MYO1E: variants seen among roughly 807,000 people sequenced by gnomAD.
The protein encoded by MYO1E is myosin IE.
Under a neutral mutation model 151.1 loss-of-function variants are expected in MYO1E, and 68 were observed. The ratio of observed to expected loss-of-function variants is 0.45; its 90% CI spans 0.37 to 0.55. The LOEUF is 0.55. Ranked by LOEUF, MYO1E falls within the 20% of genes least tolerant of loss-of-function variation. The pLI is 0.00. For missense variants in MYO1E, 1,363 were observed against 1,389.3 expected (o/e 0.98, Z 0.30); for synonymous variants, 601 against 501.7 (o/e 1.20, Z -2.64).
chr15:59,357,543 G>A (rs2080861724), intron 1 of MYO1E, among the ~76,000 whole-genome samples: 1 of 151,580 alleles, frequency 6.6e-6, no homozygotes, highest in Admixed American at 6.6e-5. Context: ...TCTTGTCTCA[G>A]CCTCCCGAGT....
At chr15:59,240,836 G>A (rs1259565193) in intron 4 of MYO1E, among the ~76,000 whole-genome samples, 1 of 152,184 alleles carries the variant, frequency 6.6e-6, no homozygotes, top group Admixed American at 6.5e-5. Flanking sequence ...CAAAAATGAT[G>A]TCTACTTTTG....
At chr15:59,299,387 T>C (rs1308770828) in intron 1 of MYO1E, among the ~76,000 whole-genome samples, 1 of 152,244 alleles carries the variant, frequency 6.6e-6, no homozygotes, top group Non-Finnish European at 1.5e-5. Context: ...CGCCGCACTC[T>C]TGTGGTTTTC....
chr15:59,197,213 G>A (rs375382729), intron 16 of MYO1E, among the ~76,000 whole-genome samples: 1 of 151,964 alleles, frequency 6.6e-6, no homozygotes, highest in Non-Finnish European at 1.5e-5. Context: ...GGCTGGTCTC[G>A]AGCTCCTGAC....
chr15:59,280,008 G>A (rs547193577), intron 1 of MYO1E, among the ~76,000 whole-genome samples: 1 of 152,302 alleles, frequency 6.6e-6, no homozygotes, highest in Non-Finnish European at 1.5e-5. Context: ...TAATGGATGT[G>A]AAAGTCTTGC....
At chr15:59,294,987 T>C (rs143398265) in intron 1 of MYO1E, among the ~76,000 whole-genome samples, 62 of 152,290 alleles carry the variant, frequency 4.1e-4, no homozygotes, top group African/African-American at 1.4e-3. Context: ...ATCTTGTCTG[T>C]CCTCTGACCC....
chr15:59,294,545 G>A (rs1416585878), intron 1 of MYO1E, among the ~76,000 whole-genome samples: 2 of 152,134 alleles, frequency 1.3e-5, no homozygotes, highest in Admixed American at 6.5e-5. Context: ...AAATGTCCTG[G>A]AAATGCCAGT....
intron 26 of MYO1E, among the ~76,000 whole-genome samples, chr15:59,144,373 G>C (rs2140301496): frequency 6.6e-6 from 1 of 152,062 alleles, no homozygotes; most frequent in African/African-American, 2.4e-5. Flanking sequence ...CACTATGTTG[G>C]CTAGGCTGGT....
rs200699155 is a variant in MYO1E at position 59,207,447 on chromosome 15, G to C, written c.1530+1234C>G. On this transcript the variant is annotated intron_variant, in intron 14 of 27. Transcript: ENST00000288235. ...GAAATGTGGCCATCTTCAAGTTAAT[G>C]ATTTCCAGTATTGTCCAGTACAGCC... The C allele has an allele frequency of 3.7e-5, 59 of 1,613,998 alleles. No individual in the cohort carries two copies. The South Asian group carries it at 6.0e-4, about 17-fold the overall frequency.
At chr15:59,191,340 G>C (rs2079732226) in intron 17 of MYO1E, among the ~76,000 whole-genome samples, 1 of 147,508 alleles carries the variant, frequency 6.8e-6, no homozygotes, top group African/African-American at 2.6e-5. Flanking sequence ...GACAGAGAGA[G>C]AGAGAGAGAG....
chr15:59,296,834 T>C (rs986023395), intron 1 of MYO1E, among the ~76,000 whole-genome samples: 7 of 145,894 alleles, frequency 4.8e-5, no homozygotes, highest in African/African-American at 1.8e-4. Flanking sequence ...TTCACATACT[T>C]TTTTCTTTTT....
chr15:59,286,838 T>C (rs2080390370), intron 1 of MYO1E, among the ~76,000 whole-genome samples: 1 of 152,174 alleles, frequency 6.6e-6, no homozygotes, highest in Admixed American at 6.5e-5. Context: ...ATAAGGGCAT[T>C]GGTCTAGGGG....
intron 1 of MYO1E, 41 bp from the exon 2 acceptor site, chr15:59,272,490 T>C: frequency 1.2e-6 from 2 of 1,604,836 alleles, no homozygotes; most frequent in Non-Finnish European, 1.7e-6. Flanking sequence ...TAGTTTGTTT[T>C]CCCCTGTAGT....
At chr15:59,294,113 C>T (rs1363231392) in intron 1 of MYO1E, among the ~76,000 whole-genome samples, 2 of 152,202 alleles carry the variant, frequency 1.3e-5, no homozygotes, top group African/African-American at 2.4e-5. Context: ...CTGGAAAGAG[C>T]GTCTGGCTGG....
intron 1 of MYO1E, among the ~76,000 whole-genome samples, chr15:59,336,573 T>C (rs1354122437): frequency 6.6e-6 from 1 of 151,882 alleles, no homozygotes; most frequent in Non-Finnish European, 1.5e-5. Flanking sequence ...GTAATTCACA[T>C]AGTACACCCC....
At chr15:59,144,840 A>C (rs2140301734) in intron 26 of MYO1E, among the ~76,000 whole-genome samples, 1 of 151,166 alleles carries the variant, frequency 6.6e-6, no homozygotes, top group Non-Finnish European at 1.5e-5. Flanking sequence ...GAGAAGAAAG[A>C]ATGACTTTTT....
intron 27 of MYO1E, 106 bp from the exon 28 acceptor site, chr15:59,137,562 T>C: frequency 1.1e-6 from 1 of 911,874 alleles, no homozygotes; most frequent in South Asian, 1.3e-5. Context: ...CCATCCATGT[T>C]GTTTTCCCTT....
At chr15:59,162,659 G>GAAAAAAAAAAAA (rs56116339) in intron 23 of MYO1E, among the ~76,000 whole-genome samples, 3 of 120,904 alleles carry the variant, frequency 2.5e-5, no homozygotes, top group Non-Finnish European at 5.1e-5. Flanking sequence ...AAAAAAAAAA[G>GAAAAAAAAAAAA]AAAAAAAAAA....
intron 9 of MYO1E, among the ~76,000 whole-genome samples, chr15:59,218,968 G>T (rs143469371): frequency 4.6e-5 from 7 of 152,294 alleles, no homozygotes; most frequent in Non-Finnish European, 8.8e-5. Context: ...TCCAATGCTG[G>T]GGGTCCTTGA....
chr15:59,148,345 G>A (rs1176257384), intron 26 of MYO1E, among the ~76,000 whole-genome samples: 2 of 152,170 alleles, frequency 1.3e-5, no homozygotes, highest in Non-Finnish European at 2.9e-5. Context: ...CACCTTTTGT[G>A]AATTTCTCTG....
Sources: gnomAD v4.1 joint callset for allele counts (sites outside exome capture counted in the v4.1 genomes callset) on GRCh38, gnomAD v4.1.1 for gene constraint, MANE v1.5 for transcripts, NCBI Gene and HGNC (gene_info 2026-07-23, HGNC 2026-07-21) for gene names.